CDK8: variants seen among roughly 807,000 people sequenced by gnomAD.
CDK8 encodes cyclin-dependent kinase 8.
Under a neutral mutation model 71.5 loss-of-function variants are expected in CDK8, and 29 were observed. The ratio of observed to expected loss-of-function variants is 0.41; its 90% CI spans 0.30 to 0.55. The LOEUF (loss-of-function observed/expected upper bound fraction) is 0.55. Among genes scored for constraint, CDK8 ranks in the 20% least tolerant of loss-of-function variants. The pLI is 0.37. For synonymous variants in CDK8, 161 were observed against 192.1 expected (o/e 0.84, Z 1.34); for missense variants, 288 against 572.6 (o/e 0.50, Z 5.07).
chr13:26,345,123 T>G (rs1287853322), intron 2 of CDK8, among the ~76,000 whole-genome samples: 1 of 152,172 alleles, frequency 6.6e-6, no homozygotes, highest in South Asian at 2.1e-4. Flanking sequence ...TTCAACTCCA[T>G]TATAATCTTA....
At chr13:26,268,570 C>T (rs1050232854) in intron 1 of CDK8, among the ~76,000 whole-genome samples, 1 of 152,104 alleles carries the variant, frequency 6.6e-6, no homozygotes, top group Non-Finnish European at 1.5e-5. Context: ...CCTGCCTCAG[C>T]CTCCTGAGTA....
At chr13:26,399,858 T>G (rs1876172728) in intron 9 of CDK8, among the ~76,000 whole-genome samples, 1 of 152,252 alleles carries the variant, frequency 6.6e-6, no homozygotes, top group African/African-American at 2.4e-5. Context: ...CAGTCGACTT[T>G]CAGAGTCTCT....
At chr13:26,373,733 CAA>C (rs1444905385) in intron 4 of CDK8, among the ~76,000 whole-genome samples, 1 of 151,744 alleles carries the variant, frequency 6.6e-6, no homozygotes, top group African/African-American at 2.4e-5. Context: ...AATATATCAA[CAA>C]AAAAATTTAT....
rs145864740 is a variant in CDK8 at position 26,374,624 on chromosome 13, T to TAAAG, written c.457-8188_457-8187insAGAA. Among the ~76,000 whole-genome samples the TAAAG allele has an allele frequency of 8.6e-4, 131 of 152,048 alleles. 1 individual carries two copies. The highest frequency in any genetic ancestry group is 3.1e-3 in the African/African-American group (127 of 41,408). On this transcript the variant is annotated intron_variant, in intron 4 of 12. Transcript: ENST00000381527. ...TAATATACCTTTACTATCTAGAATATAATCAACATGAATATATTAGCTTAA... is the reference window on the plus strand; with the variant it reads ...TAATATACCTTTACTATCTAGAATATAAAGAATCAACATGAATATATTAGCTTAA...
At chr13:26,266,800 C>T (rs1872039392) in intron 1 of CDK8, among the ~76,000 whole-genome samples, 1 of 152,126 alleles carries the variant, frequency 6.6e-6, no homozygotes, top group Non-Finnish European at 1.5e-5. Flanking sequence ...GAAGTGAAAC[C>T]TGTAGATGCC....
At chr13:26,362,083 AAATT>A (rs1163256290) in intron 4 of CDK8, among the ~76,000 whole-genome samples, 2 of 152,056 alleles carry the variant, frequency 1.3e-5, no homozygotes. Context: ...TTTTCTAAGA[AAATT>A]AATTGAAAGT....
chr13:26,375,892 A>G (rs1164955045), intron 4 of CDK8, among the ~76,000 whole-genome samples: 1 of 152,244 alleles, frequency 6.6e-6, no homozygotes, highest in Non-Finnish European at 1.5e-5. Flanking sequence ...AGGAAATTAT[A>G]TGGTGCATGT....
chr13:26,403,697 C>T (rs1303200522), intron 12 of CDK8, among the ~76,000 whole-genome samples: 1 of 152,088 alleles, frequency 6.6e-6, no homozygotes, highest in Non-Finnish European at 1.5e-5. Flanking sequence ...AGGGGTTACT[C>T]CTGTAGAAAA....
At chr13:26,315,055 T>G (rs1431638939) in intron 1 of CDK8, among the ~76,000 whole-genome samples, 1 of 152,192 alleles carries the variant, frequency 6.6e-6, no homozygotes, top group African/African-American at 2.4e-5. Context: ...TTTTTCCCAC[T>G]ACCTTTACAT....
At position 26,254,900 on chromosome 13, in the gene CDK8, C is replaced by T. The variant is rs1871449747; in HGVS notation, c.128+131C>T. ...TCCTCGACGCCGGCCTCTGGCTCCG[C>T]CAGCCAGGTTTGGGGAGGAAGTGGT... On this transcript the variant is annotated intron_variant, in intron 1 of 12. Transcript: ENST00000381527. This position sits in a 1 kb window ranked among gnomAD's most constrained non-coding sequence, Gnocchi z 6.7. The T allele has an allele frequency of 5.3e-6, 7 of 1,329,400 alleles. No individual in the cohort carries two copies. In the South Asian group the frequency reaches 8.5e-5, roughly 16 times the overall value. The allele number at this position is 1,329,400 out of a possible 1,614,324, so 82.4% of individuals were successfully genotyped here.
chr13:26,320,350 G>C (rs1319674131), intron 1 of CDK8, among the ~76,000 whole-genome samples: 1 of 152,058 alleles, frequency 6.6e-6, no homozygotes, highest in Non-Finnish European at 1.5e-5. Flanking sequence ...ATTCAGCGCA[G>C]CAGTGAGCTA....
At chr13:26,284,379 C>T (rs1026721532) in intron 1 of CDK8, among the ~76,000 whole-genome samples, 1 of 151,966 alleles carries the variant, frequency 6.6e-6, no homozygotes, top group Non-Finnish European at 1.5e-5. Flanking sequence ...AGATAAACAA[C>T]ATTGAAAGAC....
chr13:26,262,417 A>G (rs1046348248), intron 1 of CDK8, among the ~76,000 whole-genome samples: 1 of 152,150 alleles, frequency 6.6e-6, no homozygotes, highest in African/African-American at 2.4e-5. Context: ...TCTGAAATTC[A>G]TGTTTGAAAA....
At chr13:26,277,103 A>G (rs1041351151) in intron 1 of CDK8, among the ~76,000 whole-genome samples, 5 of 152,176 alleles carry the variant, frequency 3.3e-5, no homozygotes, top group African/African-American at 1.2e-4. Context: ...CTGTGTGCCT[A>G]TTCTTTGATG....
At chr13:26,341,944 CGAAGTCTCGCT>C (rs1873258410) in intron 2 of CDK8, among the ~76,000 whole-genome samples, 1 of 150,970 alleles carries the variant, frequency 6.6e-6, no homozygotes, top group Non-Finnish European at 1.5e-5. Context: ...TTTTTTGAGA[CGAAGTCTCGCT>C]CTTTCCCCAG....
rs186567026 is a variant in CDK8, at chr13:26,305,431, T to C, written c.129-32136T>C. On this transcript the variant is annotated intron_variant, in intron 1 of 12. Transcript: ENST00000381527. Reference sequence around the variant, plus strand: ...AATTTTTCTAAGAAGTACTTAAGTGTGGTTTTCTTATGCTGCTGTCATTCA... The same window carrying C: ...AATTTTTCTAAGAAGTACTTAAGTGCGGTTTTCTTATGCTGCTGTCATTCA... Among the ~76,000 whole-genome samples, 31 of 152,314 alleles carry C rather than the reference T, an allele frequency of 2.0e-4. No individual in the cohort carries two copies. In the East Asian group the frequency reaches 4.8e-3, roughly 24 times the overall value.
At chr13:26,307,873 G>T (rs983023165) in intron 1 of CDK8, among the ~76,000 whole-genome samples, 1 of 152,148 alleles carries the variant, frequency 6.6e-6, no homozygotes, top group Non-Finnish European at 1.5e-5. Context: ...CTAACTAACA[G>T]CATTGTTTTT....
At chr13:26,375,550 T>A (rs1016103478) in intron 4 of CDK8, among the ~76,000 whole-genome samples, 5 of 152,242 alleles carry the variant, frequency 3.3e-5, no homozygotes, top group Non-Finnish European at 7.3e-5. Flanking sequence ...TTCCACACAG[T>A]AAATTCTGCT....
At chr13:26,263,143 GT>G (rs537560573) in intron 1 of CDK8, among the ~76,000 whole-genome samples, 4 of 149,170 alleles carry the variant, frequency 2.7e-5, no homozygotes, top group Non-Finnish European at 3.0e-5. Flanking sequence ...TTGTTTTTCG[GT>G]TTTTTTTTTG....
Sources: gnomAD v4.1 joint callset for allele counts (sites outside exome capture counted in the v4.1 genomes callset) on GRCh38, gnomAD v4.1.1 for gene constraint, Gnocchi (gnomAD v3.1) non-coding constraint, MANE v1.5 for transcripts, NCBI Gene and HGNC (gene_info 2026-07-23, HGNC 2026-07-21) for gene names.